Variants in KIF1B observed in about 807,000 individuals in gnomAD.
KIF1B encodes the protein kinesin-like protein KIF1B.
In KIF1B, 76 loss-of-function variants were observed where a neutral mutation model predicts 241.9. That is an observed-to-expected ratio of 0.31 (90% CI 0.26 to 0.38). The LOEUF is 0.38. Ranked by LOEUF, KIF1B falls within the 10% of genes least tolerant of loss-of-function variation. KIF1B has a pLI of 1.00. For missense variants in KIF1B, 1,622 were observed against 2,271.4 expected, an observed-to-expected ratio of 0.71 and a Z score of 5.81; for synonymous variants, 750 against 796.7, an observed-to-expected ratio of 0.94 and a Z score of 0.99.
intron 22 of KIF1B, among the ~76,000 whole-genome samples, chr1:10,316,902 C>CT (rs1035258671): frequency 8.6e-5 from 13 of 150,994 alleles, no homozygotes; most frequent in Admixed American, 4.6e-4. Context: ...TATTAGCCAC[C>CT]TTTTTTTTGT....
At position 10,275,522 on chromosome 1, in the gene KIF1B, A is replaced by C. The variant is rs761600832; in HGVS notation, c.958+19A>C. On this transcript the variant is annotated intron_variant, in intron 11 of 48. Transcript: ENST00000676179. Reference sequence around the variant, plus strand: ...AATTTAGGTATGTTGACCACTAGTGAAAAGTAGTTATCTTTTTAACTTTGA... The same window carrying C: ...AATTTAGGTATGTTGACCACTAGTGCAAAGTAGTTATCTTTTTAACTTTGA... 7.6e-7 allele frequency: 1 copy of C among 1,308,562 alleles called. No individual in the cohort carries two copies. The highest frequency in any genetic ancestry group is 1.1e-6 in the Non-Finnish European group (1 of 901,394). The allele number at this position is 1,308,562 out of a possible 1,614,324, so 81.1% of individuals were successfully genotyped here.
At chr1:10,311,386 T>C (rs1164870172) in intron 22 of KIF1B, among the ~76,000 whole-genome samples, 5 of 151,148 alleles carry the variant, frequency 3.3e-5, no homozygotes, top group African/African-American at 9.9e-5. Flanking sequence ...TTTTTGTATT[T>C]TTAGTAGAGA....
At position 10,256,406 on chromosome 1, in the gene KIF1B, C is replaced by T. The variant is rs994753950; in HGVS notation, c.183+83C>T. 1.8e-5 allele frequency: 17 copies of T among 943,196 alleles called. No homozygotes were observed. The African/African-American group carries it at 2.1e-4, about 12-fold the overall frequency. The allele number at this position is 943,196 out of a possible 1,614,324, so 58.4% of individuals were successfully genotyped here. ...CGATTTGTCTTTTCTCTTAGCTGAG[C>T]AGATCCAAGTTTTGCTTCTTAACTG... On this transcript the variant is annotated intron_variant, in intron 3 of 48. Coordinates refer to ENST00000676179, the MANE Select transcript of KIF1B (RefSeq NM_001365951.3).
rs902739335 is a variant in KIF1B, at chr1:10,231,409, G to A, written c.-79-841G>A. Among the ~76,000 whole-genome samples the A allele has an allele frequency of 4.2e-5, 4 of 95,986 alleles. No homozygotes were observed. The Admixed American group carries it at 5.7e-4, about 14-fold the overall frequency. 63.0% of individuals were successfully genotyped at this position (95,986 alleles called of 152,430 possible). On this transcript the variant is annotated intron_variant, in intron 1 of 48. Transcript: ENST00000676179. ...TTTTTTTTTTTTTTTTTTGTGAGAT[G>A]GTGTCTTGCTTTGTTGCCCAGGCTG...
rs1292832152 is a variant in KIF1B at position 10,336,648 on chromosome 1, C to T, written c.3044-9C>T. 7 of 1,610,410 alleles carry T rather than the reference C, an allele frequency of 4.3e-6. No individual in the cohort carries two copies. ...ACTCAATTCTTGCTAATTTTTTTTT[C>T]TGCTTTAGCGGATGAAGAAGCTCCT... On this transcript the variant is annotated splice_polypyrimidine_tract_variant and intron_variant, in intron 28 of 48. Coordinates refer to ENST00000676179, the MANE Select transcript of KIF1B (RefSeq NM_001365951.3).
Position 10,276,224 on chromosome 1 carries a change from T to C in KIF1B, c.959-97T>C. ...GAAAGAAATTTGACATTACATTAAA[T>C]CTTAGGATCTGAGATTACAATATCA... On this transcript the variant is annotated intron_variant, in intron 11 of 48. Transcript: ENST00000676179. The C allele has an allele frequency of 3.6e-6, 3 of 843,954 alleles. No individual in the cohort carries two copies. In the East Asian group the frequency reaches 7.7e-5, roughly 22 times the overall value. The allele number at this position is 843,954 out of a possible 1,614,324, so 52.3% of individuals were successfully genotyped here.
chr1:10,355,205 T>C (rs1244406591), intron 38 of KIF1B, among the ~76,000 whole-genome samples: 1 of 152,226 alleles, frequency 6.6e-6, no homozygotes, highest in African/African-American at 2.4e-5. Context: ...AAGTCCTCTA[T>C]GGAATTGTGT....
intron 17 of KIF1B, 94 bp downstream of exon 17, chr1:10,292,216 C>T: frequency 1.1e-6 from 1 of 896,746 alleles, no homozygotes. Context: ...ACCTACTCTC[C>T]CCCTTATTAT....
intron 22 of KIF1B, among the ~76,000 whole-genome samples, chr1:10,318,733 A>T (rs1203140692): frequency 6.6e-6 from 1 of 152,142 alleles, no homozygotes; most frequent in Non-Finnish European, 1.5e-5. Context: ...AAAAAGAAGG[A>T]GGAAACCCTG....
rs2102270136 is a variant in KIF1B at position 10,303,395 on chromosome 1, T to A, written c.2115+6149T>A. 6.2e-7 allele frequency: 1 copy of A among 1,614,190 alleles called. No homozygotes were observed. The highest frequency in any genetic ancestry group is 8.5e-7 in the Non-Finnish European group (1 of 1,180,036). On this transcript the variant is annotated intron_variant, in intron 22 of 48. Coordinates refer to ENST00000676179, the MANE Select transcript of KIF1B (RefSeq NM_001365951.3). This position sits in a 1 kb window ranked among gnomAD's most constrained non-coding sequence, Gnocchi z 5.2. ...TGGGTCACAATCTCAGATCTTAAAA[T>A]TCAGGCTGTCAAAGAGATTTGCTAT... is the stretch of plus-strand genomic sequence containing the variant.
At chr1:10,220,835 G>A (rs1362402762) in intron 1 of KIF1B, among the ~76,000 whole-genome samples, 1 of 151,910 alleles carries the variant, frequency 6.6e-6, no homozygotes, top group Non-Finnish European at 1.5e-5. Flanking sequence ...GCTGATTTTT[G>A]TGCTTTTAAT....
intron 22 of KIF1B, chr1:10,308,643 G>A: frequency 9.9e-7 from 1 of 1,009,840 alleles, no homozygotes; most frequent in Non-Finnish European, 1.2e-6. Context: ...GGAAAGCAAG[G>A]TAATGCTAAC....
chr1:10,319,748 C>G (rs1180603804), intron 22 of KIF1B, among the ~76,000 whole-genome samples: 1 of 152,072 alleles, frequency 6.6e-6, no homozygotes, highest in Non-Finnish European at 1.5e-5. Flanking sequence ...CCTAAAAATT[C>G]CCCCTTTCTC....
intron 41 of KIF1B, among the ~76,000 whole-genome samples, chr1:10,363,635 G>A (rs1399595224): frequency 1.3e-5 from 2 of 152,218 alleles, no homozygotes; most frequent in East Asian, 3.9e-4. Context: ...AGAGGTTACA[G>A]TGAGCCGAGA....
At chr1:10,345,083 A>T (rs1459428357) in intron 34 of KIF1B, among the ~76,000 whole-genome samples, 1 of 152,082 alleles carries the variant, frequency 6.6e-6, no homozygotes, top group Non-Finnish European at 1.5e-5. Flanking sequence ...GGTCTCAGCT[A>T]CTCAGGAAGC....
Position 10,304,588 on chromosome 1 carries a change from C to T in KIF1B, c.2115+7342C>T, listed in dbSNP as rs1569778738. 2 of 1,614,094 alleles carry T rather than the reference C, an allele frequency of 1.2e-6. No homozygotes were observed. The highest frequency in any genetic ancestry group is 1.1e-5 in the South Asian group (1 of 91,076). ...CTGTAGCCAGTTTGTGACACCTCCG[C>T]GGATGAGGAGACAGTTCTCAGCACC... On this transcript the variant is annotated intron_variant, in intron 22 of 48. Coordinates refer to ENST00000676179, the MANE Select transcript of KIF1B (RefSeq NM_001365951.3).
rs1646685377 is a variant in KIF1B, at chr1:10,210,988, A to T, written c.-80+110A>T. On this transcript the variant is annotated intron_variant, in intron 1 of 48. Coordinates refer to ENST00000676179, the MANE Select transcript of KIF1B (RefSeq NM_001365951.3). The surrounding 1 kb of genome is among the most constrained non-coding windows in gnomAD (Gnocchi z 4.1). ...CGGGGTCCGGGCGGGGTCTGAGGGGAGGTAGCGCGGGACGGGCGCCGGGTG... is the reference window on the plus strand; with the variant it reads ...CGGGGTCCGGGCGGGGTCTGAGGGGTGGTAGCGCGGGACGGGCGCCGGGTG... The T allele has an allele frequency of 6.6e-6, 1 of 151,520 alleles. No homozygotes were observed. The highest frequency in any genetic ancestry group is 2.1e-4 in the South Asian group (1 of 4,820). 9.4% of individuals were successfully genotyped at this position (151,520 alleles called of 1,614,324 possible).
At chr1:10,344,478 G>A (rs190502137) in intron 34 of KIF1B, among the ~76,000 whole-genome samples, 1 of 152,286 alleles carries the variant, frequency 6.6e-6, no homozygotes, top group African/African-American at 2.4e-5. Flanking sequence ...TTCTCTACAT[G>A]TGCCTCTTTC....
At chr1:10,214,364 A>G (rs532081366) in intron 1 of KIF1B, among the ~76,000 whole-genome samples, 1 of 151,262 alleles carries the variant, frequency 6.6e-6, no homozygotes, top group East Asian at 1.9e-4. Context: ...ATCTCAGCTC[A>G]CTGCAACCTC....
Sources: gnomAD v4.1 joint callset for allele counts (sites outside exome capture counted in the v4.1 genomes callset) on GRCh38, gnomAD v4.1.1 for gene constraint, Gnocchi (gnomAD v3.1) non-coding constraint, MANE v1.5 for transcripts, NCBI Gene and HGNC (gene_info 2026-07-23, HGNC 2026-07-21) for gene names.